TNIK: variants seen among roughly 807,000 people sequenced by gnomAD.
TNIK encodes TRAF2 and NCK interacting kinase, also known as TRAF2 and NCK-interacting protein kinase.
A neutral mutation model predicts 191.3 loss-of-function variants in TNIK; 49 were observed. That is an observed-to-expected ratio of 0.26 (90% CI 0.20 to 0.32). The LOEUF is 0.32. Ranked by LOEUF, TNIK falls within the 10% of genes least tolerant of loss-of-function variation. TNIK has a pLI of 1.00. For missense variants in TNIK, 1,155 were observed against 1,702.3 expected, an observed-to-expected ratio of 0.68 and a Z score of 5.66; for synonymous variants, 594 against 600.9, an observed-to-expected ratio of 0.99 and a Z score of 0.17.
At chr3:171,164,693 T>C (rs1734396165) in intron 10 of TNIK, among the ~76,000 whole-genome samples, 1 of 152,232 alleles carries the variant, frequency 6.6e-6, no homozygotes, top group Non-Finnish European at 1.5e-5. Flanking sequence ...TAGCATTTAA[T>C]GGTTGCATGT....
rs555677461 is a variant in TNIK at position 171,173,074 on chromosome 3, A to C, written c.773+2178T>G. Among the ~76,000 whole-genome samples, 8 of 152,160 alleles carry C rather than the reference A, an allele frequency of 5.3e-5. No homozygotes were observed. In the East Asian group the frequency reaches 1.5e-3, roughly 29 times the overall value. On this transcript the variant is annotated intron_variant, in intron 9 of 32. Transcript: ENST00000436636. ...TAGGTCACAAAAAGGGGTGGTGTAGACCATGGTTAAGATGAAAACAGGAGA... is the reference window on the plus strand; with the variant it reads ...TAGGTCACAAAAAGGGGTGGTGTAGCCCATGGTTAAGATGAAAACAGGAGA...
In TNIK at chr3:171,271,223, T is replaced by G. The variant is rs140396370; in HGVS notation, c.124-43002A>C. 6.7e-4 allele frequency among the ~76,000 whole-genome samples: 102 copies of G among 152,366 alleles called. No homozygotes were observed. The Middle Eastern group carries it at 0.014, about 20-fold the overall frequency. ...CACGTTTCCTACCTGTGTTGCCAAC[T>G]CTAATAGTTCTAGCATTTACTTGCA... On this transcript the variant is annotated intron_variant, in intron 2 of 32. Coordinates refer to ENST00000436636, the MANE Select transcript of TNIK (RefSeq NM_015028.4).
intron 7 of TNIK, among the ~76,000 whole-genome samples, chr3:171,182,650 C>T (rs1342979391): frequency 6.6e-6 from 1 of 152,148 alleles, no homozygotes; most frequent in Non-Finnish European, 1.5e-5. Context: ...GAACTTTTGG[C>T]TGCTGGAAAG....
At chr3:171,186,903 C>T (rs751222082) in intron 7 of TNIK, among the ~76,000 whole-genome samples, 220 of 152,210 alleles carry the variant, frequency 1.4e-3, no homozygotes, top group Middle Eastern at 3.4e-3. Flanking sequence ...GGAAAGAGGA[C>T]CAAAATATCA....
In TNIK at chr3:171,190,801, G is replaced by A. The variant is rs1310834103; in HGVS notation, c.418-14C>T. On this transcript the variant is annotated splice_polypyrimidine_tract_variant and intron_variant, in intron 5 of 32. Transcript: ENST00000436636. ...GTGACTCAGCCCCTGGAGTGATGGAGAGTTAAGAAGGGTTAATAGGAACAT... is the reference window on the plus strand; with the variant it reads ...GTGACTCAGCCCCTGGAGTGATGGAAAGTTAAGAAGGGTTAATAGGAACAT... The A allele has an allele frequency of 1.3e-6, 2 of 1,569,436 alleles. No homozygotes were observed. Among genetic ancestry groups the A allele is most frequent in the Admixed American group, 1.9e-5 (1 of 53,582 alleles).
intron 17 of TNIK, 46 bp downstream of exon 17, chr3:171,125,866 C>T: frequency 6.2e-7 from 1 of 1,600,892 alleles, no homozygotes; most frequent in East Asian, 2.2e-5. Context: ...TAATAAAAAT[C>T]ATCAGTGATG....
At chr3:171,279,763 A>C (rs922879889) in intron 2 of TNIK, among the ~76,000 whole-genome samples, 1 of 152,166 alleles carries the variant, frequency 6.6e-6, no homozygotes, top group African/African-American at 2.4e-5. Flanking sequence ...GCAACCCTAC[A>C]TGGGGGTATT....
Position 171,177,311 on chromosome 3 carries a change from G to A in TNIK, c.694+15C>T. 6.2e-7 allele frequency: 1 copy of A among 1,603,914 alleles called. No homozygotes were observed. Among genetic ancestry groups the A allele is most frequent in the Non-Finnish European group, 8.5e-7 (1 of 1,175,150 alleles). On this transcript the variant is annotated intron_variant, in intron 8 of 32. Transcript: ENST00000436636. The stretch of plus-strand genomic sequence containing the variant: ...CAGACCAGCAACAGATTTCACCCCA[G>A]AGGAGGGTACTTACGGGGAGCACCT...
At chr3:171,140,904 T>A (rs1296837917) in intron 12 of TNIK, among the ~76,000 whole-genome samples, 2 of 152,184 alleles carry the variant, frequency 1.3e-5, no homozygotes, top group East Asian at 3.8e-4. Context: ...TTTAACACCA[T>A]GTAACACAAA....
chr3:171,299,356 G>A (rs1257049341), intron 2 of TNIK, among the ~76,000 whole-genome samples: 2 of 152,136 alleles, frequency 1.3e-5, no homozygotes, highest in East Asian at 1.9e-4. Context: ...AGGAGCTGAT[G>A]GCATACTGAT....
chr3:171,449,221 A>T (rs1265885955), intron 1 of TNIK, among the ~76,000 whole-genome samples: 2 of 152,038 alleles, frequency 1.3e-5, no homozygotes, highest in African/African-American at 4.8e-5. Context: ...ATACATGTGC[A>T]TGTGCCTTTA....
At chr3:171,114,068 A>G (rs1439409820) in intron 18 of TNIK, among the ~76,000 whole-genome samples, 1 of 150,910 alleles carries the variant, frequency 6.6e-6, no homozygotes, top group Non-Finnish European at 1.5e-5. Context: ...TTTATAACTC[A>G]TAGGCTTTTT....
chr3:171,357,036 T>C (rs557969260), intron 2 of TNIK, among the ~76,000 whole-genome samples: 18 of 152,292 alleles, frequency 1.2e-4, no homozygotes, highest in African/African-American at 4.1e-4. Flanking sequence ...TCTTTGTGCT[T>C]AGCCACAAAA....
chr3:171,384,367 A>G (rs984454603), intron 1 of TNIK, among the ~76,000 whole-genome samples: 6 of 152,224 alleles, frequency 3.9e-5, no homozygotes, highest in Non-Finnish European at 8.8e-5. Context: ...ACCTATAAAC[A>G]GCATGCTACT....
intron 1 of TNIK, among the ~76,000 whole-genome samples, chr3:171,393,708 G>C (rs1423700744): frequency 6.6e-6 from 1 of 152,154 alleles, no homozygotes; most frequent in African/African-American, 2.4e-5. Flanking sequence ...AGCCTTCAAG[G>C]AACACAGTAA....
chr3:171,226,070 T>A (rs1486409717), intron 3 of TNIK, among the ~76,000 whole-genome samples: 4 of 152,224 alleles, frequency 2.6e-5, no homozygotes, highest in Non-Finnish European at 5.9e-5. Context: ...TAGAGACTGA[T>A]AGTATCTGAT....
chr3:171,133,121 G>C (rs1271889774), intron 15 of TNIK, among the ~76,000 whole-genome samples: 2 of 152,304 alleles, frequency 1.3e-5, no homozygotes, highest in East Asian at 3.9e-4. Context: ...TGAGAACGGG[G>C]GAGACTCTCA....
At chr3:171,166,515 A>G (rs1387518586) in intron 10 of TNIK, among the ~76,000 whole-genome samples, 1 of 152,166 alleles carries the variant, frequency 6.6e-6, no homozygotes, top group African/African-American at 2.4e-5. Flanking sequence ...AGTCACAAAG[A>G]TGTGCTTTTG....
intron 2 of TNIK, among the ~76,000 whole-genome samples, chr3:171,316,286 A>G (rs1754587550): frequency 6.6e-6 from 1 of 152,108 alleles, no homozygotes. Flanking sequence ...AATTACCTAG[A>G]TACAAGCAGA....
Sources: allele counts gnomAD v4.1 joint callset (sites outside exome capture counted in the v4.1 genomes callset), GRCh38; gene constraint gnomAD v4.1.1; transcripts MANE v1.5; gene names NCBI Gene and HGNC (gene_info 2026-07-23, HGNC 2026-07-21).